The following SLC6A3 variants were observed in gnomAD, a reference collection of about 807,000 sequenced individuals.
The protein encoded by SLC6A3 is sodium-dependent dopamine transporter.
SLC6A3 carries 19 observed loss-of-function variants against 70.4 expected under a neutral mutation model. The observed-to-expected ratio is 0.27, with a 90% confidence interval of 0.19 to 0.40. The LOEUF (loss-of-function observed/expected upper bound fraction) is 0.40, where lower values mean the gene tolerates loss of function less well. Among genes scored for constraint, SLC6A3 ranks in the 10% least tolerant of loss-of-function variants. The pLI is 1.00. For missense variants in SLC6A3, 613 were observed against 838.5 expected, an observed-to-expected ratio of 0.73 and a Z score of 3.32; for synonymous variants, 368 against 356.6, an observed-to-expected ratio of 1.03 and a Z score of -0.36.
Position 1,414,421 on chromosome 5 carries a change from C to CGG in SLC6A3, c.1156+268_1156+269dup, listed in dbSNP as rs1560912841. On this transcript the variant is annotated intron_variant, in intron 8 of 14. Transcript: ENST00000270349. ...GGTGGGGGGGCCTGGAGGGGCAGGG[C>CGG]GGAGAAGGCACTGGGTGGGGGGCCG... 1.1e-3 allele frequency among the ~76,000 whole-genome samples: 82 copies of CGG among 73,034 alleles called. 3 individuals are homozygous for CGG. Among genetic ancestry groups the CGG allele is most frequent in the Middle Eastern group, 6.3e-3 (1 of 158 alleles). The allele number at this position is 73,034 out of a possible 152,430, so 47.9% of individuals were successfully genotyped here.
chr5:1,410,785 C>A (rs1056203728), intron 9 of SLC6A3, among the ~76,000 whole-genome samples: 1 of 152,066 alleles, frequency 6.6e-6, no homozygotes, highest in South Asian at 2.1e-4. Context: ...CCCTGCTACA[C>A]GTGCATGCAT....
chr5:1,415,846 G>A (rs967217529), intron 7 of SLC6A3, among the ~76,000 whole-genome samples: 14 of 152,306 alleles, frequency 9.2e-5, no homozygotes, highest in South Asian at 8.3e-4. Flanking sequence ...GAATCTGGCC[G>A]CAGGTCAAAC....
rs1251908832 is a variant in SLC6A3, at chr5:1,402,862, C to A, written c.1767+60G>T. 4 of 1,558,988 alleles carry A rather than the reference C, an allele frequency of 2.6e-6. No individual in the cohort carries two copies. The highest frequency in any genetic ancestry group is 3.5e-6 in the Non-Finnish European group (4 of 1,139,398). ...CAGGTGAGGACTGGGGCCATGGACA[C>A]CCACGGAGCCTTTCTGGTGGCCTCA... On this transcript the variant is annotated intron_variant, in intron 13 of 14. Transcript: ENST00000270349. The surrounding 1 kb of genome is among the most constrained non-coding windows in gnomAD (Gnocchi z 8.5).
Position 1,409,765 on chromosome 5 carries a change from T to C in SLC6A3, c.1354A>G (p.Ile452Val). The stretch of plus-strand genomic sequence containing the variant: ...GACAGGAGGAAGGTCGCCAGGACGA[T>C]GAAGAGCGTGAAGAGCTCACGGTGT... ...HRHRELFTLF[I>V]VLATFLLSLF... The change falls in exon 10 of 15, where the codon ATC becomes GTC. Residue 452 changes from isoleucine (I) to valine (V), a missense_variant. By Grantham distance (29) the Ile-to-Val change is conservative. Transcript: ENST00000270349. 1 of 1,613,384 alleles carries C rather than the reference T, an allele frequency of 6.2e-7. No homozygotes were observed. The highest frequency in any genetic ancestry group is 1.3e-5 in the African/African-American group (1 of 75,046).
rs566497551 is a variant in SLC6A3 at position 1,434,156 on chromosome 5, C to T, written c.419-1458G>A. On this transcript the variant is annotated intron_variant, in intron 3 of 14. Transcript: ENST00000270349. ...CCATGTGGAGCCATCCAAGGTCACA[C>T]TACCCATGCATGACCATCCAGGGTT... Among the ~76,000 whole-genome samples, 9 of 152,384 alleles carry T rather than the reference C, an allele frequency of 5.9e-5. No individual in the cohort carries two copies. The East Asian group carries it at 1.5e-3, about 26-fold the overall frequency.
At position 1,402,462 on chromosome 5, in the gene SLC6A3, A is replaced by C. The variant is rs919714066; in HGVS notation, c.1767+460T>G. Among the ~76,000 whole-genome samples, 3 of 152,046 alleles carry C rather than the reference A, an allele frequency of 2.0e-5. No individual in the cohort carries two copies. The highest frequency in any genetic ancestry group is 7.3e-5 in the African/African-American group (3 of 41,374). On this transcript the variant is annotated intron_variant, in intron 13 of 14. Transcript: ENST00000270349. The surrounding 1 kb of genome is among the most constrained non-coding windows in gnomAD (Gnocchi z 8.5). ...CCTGGGGGGACCTAGATCACCCCTG[A>C]TTCTACCGCCCTCAGATGGCTTCTG... is the stretch of plus-strand genomic sequence containing the variant.
chr5:1,419,573 T>C (rs1252659093), intron 6 of SLC6A3, among the ~76,000 whole-genome samples: 1 of 152,238 alleles, frequency 6.6e-6, no homozygotes. Context: ...AACACACCCC[T>C]TGGCTTCATT....
rs397883245 is a variant in SLC6A3 at position 1,421,178 on chromosome 5, G to GTTT, written c.793-478_793-476dup. ...GGTTTTGGCCCATATAACAACCAAA[G>GTTT]TTTTTTTTTTTTTTTTGAGATGGAG... is the stretch of plus-strand genomic sequence containing the variant. On this transcript the variant is annotated intron_variant, in intron 5 of 14. Coordinates refer to ENST00000270349, the MANE Select transcript of SLC6A3 (RefSeq NM_001044.5). The surrounding 1 kb of genome is among the most constrained non-coding windows in gnomAD (Gnocchi z 7.2). 1.4e-5 allele frequency among the ~76,000 whole-genome samples: 2 copies of GTTT among 137,974 alleles called. No homozygotes were observed. The highest frequency in any genetic ancestry group is 2.8e-5 in the African/African-American group (1 of 35,904). The allele number at this position is 137,974 out of a possible 152,430, so 90.5% of individuals were successfully genotyped here. A position where few individuals can be genotyped will look rare whatever the true frequency, so the allele number is the denominator to read the frequency against.
chr5:1,419,953 A>G (rs1756395979), intron 6 of SLC6A3, among the ~76,000 whole-genome samples: 1 of 151,750 alleles, frequency 6.6e-6, no homozygotes, highest in African/African-American at 2.4e-5. Flanking sequence ...TTGGGTTTAC[A>G]CTTGCCTCAT....
At position 1,414,490 on chromosome 5, in the gene SLC6A3, G is replaced by GGCAGGGAAGGGAAGGCAC. The variant is rs1560913028; in HGVS notation, c.1156+200_1156+201insGTGCCTTCCCTTCCCTGC. On this transcript the variant is annotated intron_variant, in intron 8 of 14. Coordinates refer to ENST00000270349, the MANE Select transcript of SLC6A3 (RefSeq NM_001044.5). ...AGGCGCTGGGTGGGGGGCCTGGAGG[G>GGCAGGGAAGGGAAGGCAC]TCAGGGCGGGGAAGGCGCTGGGTGG... Among the ~76,000 whole-genome samples, 21 of 139,286 alleles carry GGCAGGGAAGGGAAGGCAC rather than the reference G, an allele frequency of 1.5e-4. 3 individuals carry two copies. Among genetic ancestry groups the GGCAGGGAAGGGAAGGCAC allele is most frequent in the South Asian group, 2.3e-4 (1 of 4,372 alleles). The allele number at this position is 139,286 out of a possible 152,430, so 91.4% of individuals were successfully genotyped here. A position where few individuals can be genotyped will look rare whatever the true frequency, so the allele number is the denominator to read the frequency against.
rs888501075 is a variant in SLC6A3, at chr5:1,402,370, A to T, written c.1767+552T>A. Among the ~76,000 whole-genome samples, 1 of 151,638 alleles carries T rather than the reference A, an allele frequency of 6.6e-6. No individual in the cohort carries two copies. The highest frequency in any genetic ancestry group is 2.4e-5 in the African/African-American group (1 of 41,226). On this transcript the variant is annotated intron_variant, in intron 13 of 14. Transcript: ENST00000270349. The surrounding 1 kb of genome is among the most constrained non-coding windows in gnomAD (Gnocchi z 8.5). ...AGAAGAAAGGAGATGCATATCAGTG[A>T]CTCCGCAAAGCTTCCTCCACTGCCT... is the stretch of plus-strand genomic sequence containing the variant.
chr5:1,398,360 C>CAAA (rs57135183), intron 14 of SLC6A3, among the ~76,000 whole-genome samples: 8,385 of 68,752 alleles, frequency 0.12, 367 homozygotes, highest in African/African-American at 0.16. Context: ...GACTCCACCT[C>CAAA]AAAAAAAAAA....
chr5:1,419,565 C>T (rs996686768), intron 6 of SLC6A3, among the ~76,000 whole-genome samples: 1 of 152,204 alleles, frequency 6.6e-6, no homozygotes, highest in East Asian at 1.9e-4. Flanking sequence ...GTCCTGCAAA[C>T]ACACCCCTTG....
At chr5:1,435,962 G>A (rs145036607) in intron 3 of SLC6A3, among the ~76,000 whole-genome samples, 1,544 of 144,128 alleles carry the variant, frequency 0.011, 29 homozygotes, top group Middle Eastern at 0.038. Flanking sequence ...TGGGCACCTC[G>A]GTGAGGAAAT....
At chr5:1,434,664 A>G (rs1043027561) in intron 3 of SLC6A3, among the ~76,000 whole-genome samples, 6 of 152,198 alleles carry the variant, frequency 3.9e-5, no homozygotes, top group Admixed American at 3.9e-4. Flanking sequence ...TGACATGATT[A>G]GTTTGGGTAC....
At chr5:1,443,833 A>C (rs947436475) in intron 1 of SLC6A3, among the ~76,000 whole-genome samples, 7 of 151,554 alleles carry the variant, frequency 4.6e-5, no homozygotes, top group Admixed American at 3.9e-4. Flanking sequence ...AGCACCGGCT[A>C]AGTTATTTTT....
chr5:1,442,438 G>A lies in SLC6A3; in HGVS notation c.286+474C>T, dbSNP rs546817997. On this transcript the variant is annotated intron_variant, in intron 2 of 14. Transcript: ENST00000270349. This position sits in a 1 kb window ranked among gnomAD's most constrained non-coding sequence, Gnocchi z 5.0. The stretch of plus-strand genomic sequence containing the variant: ...CCCCGGTGGCCCTGCCTCGATCTTC[G>A]CTTTCTGGCTCTGTGGCTGGGTTCT... Among the ~76,000 whole-genome samples, 18 of 152,264 alleles carry A rather than the reference G, an allele frequency of 1.2e-4. No individual in the cohort carries two copies. In the East Asian group the frequency reaches 3.1e-3, roughly 26 times the overall value.
At chr5:1,440,501 T>TA (rs1044500276) in intron 3 of SLC6A3, among the ~76,000 whole-genome samples, 1 of 148,948 alleles carries the variant, frequency 6.7e-6, no homozygotes, top group Admixed American at 6.6e-5. Flanking sequence ...GATTGACAGA[T>TA]AATAGATAGA....
chr5:1,428,292 C>A (rs1038498209), intron 4 of SLC6A3, among the ~76,000 whole-genome samples: 1 of 152,132 alleles, frequency 6.6e-6, no homozygotes, highest in African/African-American at 2.4e-5. Context: ...ATACTTTGAA[C>A]TGAATGAAAT....
Sources: allele counts gnomAD v4.1 joint callset (sites outside exome capture counted in the v4.1 genomes callset), GRCh38; gene constraint gnomAD v4.1.1; non-coding constraint Gnocchi (gnomAD v3.1); transcripts MANE v1.5; gene names NCBI Gene and HGNC (gene_info 2026-07-23, HGNC 2026-07-21).